Variants in MEF2C observed in about 807,000 individuals in gnomAD.
MEF2C encodes the protein myocyte enhancer factor 2C.
A neutral mutation model predicts 50.5 loss-of-function variants in MEF2C; 6 were observed. That is an observed-to-expected ratio of 0.12 (90% CI 0.07 to 0.23). The LOEUF (loss-of-function observed/expected upper bound fraction) is 0.23. MEF2C is among the 10% of genes least tolerant of loss of function. The probability of loss-of-function intolerance (pLI) is 1.00; values close to 1 mark genes in which losing one functional copy is unlikely to be tolerated. For missense variants in MEF2C, 276 were observed against 605.0 expected (o/e 0.46, Z 5.70); for synonymous variants, 183 against 228.0 (o/e 0.80, Z 1.78).
intron 1 of MEF2C, among the ~76,000 whole-genome samples, chr5:88,833,836 C>A (rs1304008777): frequency 6.6e-6 from 1 of 151,976 alleles, no homozygotes; most frequent in African/African-American, 2.4e-5. Context: ...GGGGTTATGG[C>A]AAGGGAGAAC....
chr5:88,752,103 A>AAGAC, intron 4 of MEF2C, 60 bp from the exon 5 acceptor site: 1 of 1,440,520 alleles, frequency 6.9e-7, no homozygotes, highest in South Asian at 1.5e-5. Flanking sequence ...GAAGCTCTTC[A>AAGAC]AGACAGACAG....
intron 1 of MEF2C, among the ~76,000 whole-genome samples, chr5:88,878,218 A>C (rs1032918539): frequency 2.2e-4 from 33 of 151,994 alleles, no homozygotes; most frequent in African/African-American, 8.0e-4. Flanking sequence ...TGGATGCTAT[A>C]GAATGTTTGT....
At chr5:88,796,609 G>A (rs1044409187) in intron 3 of MEF2C, among the ~76,000 whole-genome samples, 1 of 151,916 alleles carries the variant, frequency 6.6e-6, no homozygotes, top group African/African-American at 2.4e-5. Context: ...TTTTTTGAAG[G>A]GTTTTTCGTG....
At chr5:88,734,304 T>C in intron 6 of MEF2C, 1 of 985,344 alleles carries the variant, frequency 1.0e-6, no homozygotes, top group Non-Finnish European at 1.2e-6. Flanking sequence ...CTGGTTTATA[T>C]AAACAATCAA....
intron 1 of MEF2C, among the ~76,000 whole-genome samples, chr5:88,852,688 T>C (rs1263388388): frequency 6.6e-6 from 1 of 152,052 alleles, no homozygotes; most frequent in Non-Finnish European, 1.5e-5. Flanking sequence ...CTGGCCAACA[T>C]GGTGAAACCC....
intron 1 of MEF2C, among the ~76,000 whole-genome samples, chr5:88,878,918 A>G (rs571067758): frequency 6.6e-6 from 1 of 152,160 alleles, no homozygotes; most frequent in East Asian, 1.9e-4. Context: ...GTGAATATAA[A>G]GAGTGAATAT....
At chr5:88,785,958 C>T (rs1790667446) in intron 3 of MEF2C, among the ~76,000 whole-genome samples, 1 of 152,132 alleles carries the variant, frequency 6.6e-6, no homozygotes, top group African/African-American at 2.4e-5. Context: ...TCAAAGGTTT[C>T]TCTGAATGAA....
At chr5:88,729,531 G>A (rs1760493927) in intron 8 of MEF2C, 184 bp from the exon 9 acceptor site, 2 of 589,888 alleles carry the variant, frequency 3.4e-6, no homozygotes, top group African/African-American at 3.7e-5. Flanking sequence ...GAGACCAGCT[G>A]TTGCCATAGT....
intron 2 of MEF2C, among the ~76,000 whole-genome samples, chr5:88,808,961 G>C (rs942721987): frequency 3.9e-5 from 6 of 152,112 alleles, no homozygotes; most frequent in African/African-American, 1.4e-4. Context: ...GGTTTTTACA[G>C]TAGTTAGGCA....
rs142080758 is a variant in MEF2C at position 88,717,132 on chromosome 5, T to A, written c.*5472A>T. 2 of 152,224 alleles carry A rather than the reference T, an allele frequency of 1.3e-5. No individual in the cohort carries two copies. Among genetic ancestry groups the A allele is most frequent in the Non-Finnish European group, 2.9e-5 (2 of 68,044 alleles). 9.4% of individuals were successfully genotyped at this position (152,224 alleles called of 1,614,324 possible). ...AACTCAAATATAAAATTATTAAGGA[T>A]AATTTTATTATCAGGATATTATCAG... On this transcript the variant is annotated 3_prime_UTR_variant, in exon 11 of 11. Coordinates refer to ENST00000504921, the MANE Select transcript of MEF2C (RefSeq NM_002397.5).
At chr5:88,848,572 A>G (rs1049836022) in intron 1 of MEF2C, among the ~76,000 whole-genome samples, 4 of 152,204 alleles carry the variant, frequency 2.6e-5, no homozygotes, top group African/African-American at 7.2e-5. Flanking sequence ...CTTCAGTAGT[A>G]TAACTTCTCA....
At chr5:88,747,872 A>T (rs1341241594) in intron 6 of MEF2C, among the ~76,000 whole-genome samples, 1 of 152,126 alleles carries the variant, frequency 6.6e-6, no homozygotes, top group Non-Finnish European at 1.5e-5. Flanking sequence ...TCTGGATTTG[A>T]TCTGGTTCTC....
At chr5:88,844,046 G>A (rs759838988) in intron 1 of MEF2C, among the ~76,000 whole-genome samples, 2 of 152,176 alleles carry the variant, frequency 1.3e-5, no homozygotes, top group South Asian at 2.1e-4. Context: ...TCCTGACCTC[G>A]TGATCCACCA....
At chr5:88,723,467 A>G (rs1757137442) in intron 10 of MEF2C, among the ~76,000 whole-genome samples, 1 of 152,262 alleles carries the variant, frequency 6.6e-6, no homozygotes, top group Non-Finnish European at 1.5e-5. Context: ...TAAATTTTAA[A>G]TGACTAGAAC....
At chr5:88,835,188 G>A (rs1814585564) in intron 1 of MEF2C, among the ~76,000 whole-genome samples, 2 of 152,138 alleles carry the variant, frequency 1.3e-5, no homozygotes, top group African/African-American at 4.8e-5. Flanking sequence ...TTCTGCAAGT[G>A]TAAAATATAG....
rs911998921 is a variant in MEF2C at position 88,721,131 on chromosome 5, A to G, written c.*1473T>C. On this transcript the variant is annotated 3_prime_UTR_variant, in exon 11 of 11. Coordinates refer to ENST00000504921, the MANE Select transcript of MEF2C (RefSeq NM_002397.5). Reference sequence around the variant, plus strand: ...TTGTTTCTAGGGCCATATTTGCAGGACATGTGCCCCAACATAGCTTTTCTA... The same window carrying G: ...TTGTTTCTAGGGCCATATTTGCAGGGCATGTGCCCCAACATAGCTTTTCTA... The G allele has an allele frequency of 2.0e-5, 3 of 152,588 alleles. No individual in the cohort carries two copies. Among genetic ancestry groups the G allele is most frequent in the Non-Finnish European group, 2.9e-5 (2 of 68,026 alleles). The allele number at this position is 152,588 out of a possible 1,614,324, so 9.5% of individuals were successfully genotyped here.
intron 3 of MEF2C, among the ~76,000 whole-genome samples, chr5:88,804,143 C>T (rs1347108971): frequency 2.0e-5 from 3 of 152,084 alleles, no homozygotes; most frequent in Non-Finnish European, 4.4e-5. Context: ...AGACATAAAT[C>T]GAAAAACTGA....
At chr5:88,727,497 T>G (rs1326010917) in intron 10 of MEF2C, among the ~76,000 whole-genome samples, 1 of 152,078 alleles carries the variant, frequency 6.6e-6, no homozygotes, top group Non-Finnish European at 1.5e-5. Context: ...GTGGTATAAA[T>G]CAGTGACTTT....
upstream of MEF2C, among the ~76,000 whole-genome samples, chr5:88,887,903 A>C (rs1431146300): frequency 1.3e-5 from 2 of 152,236 alleles, no homozygotes; most frequent in Admixed American, 6.5e-5. Flanking sequence ...TTGTTATTTC[A>C]AGACAAGGTT....
Sources: gnomAD v4.1 joint callset for allele counts (sites outside exome capture counted in the v4.1 genomes callset) on GRCh38, gnomAD v4.1.1 for gene constraint, MANE v1.5 for transcripts, NCBI Gene and HGNC (gene_info 2026-07-23, HGNC 2026-07-21) for gene names.